The following MYO5B variants were observed in gnomAD, a reference collection of about 807,000 sequenced individuals.
The protein encoded by MYO5B is unconventional myosin-Vb.
A neutral mutation model predicts 229.3 loss-of-function variants in MYO5B; 143 were observed. That is an observed-to-expected ratio of 0.62 (90% confidence interval 0.54 to 0.72). The LOEUF (loss-of-function observed/expected upper bound fraction) is 0.72. MYO5B is among the 30% of genes least tolerant of loss of function. The pLI, the probability that MYO5B is intolerant of heterozygous loss-of-function variation, is 0.00. For missense variants in MYO5B, 2,321 were observed against 2,331.0 expected (o/e 1.00, Z 0.09); for synonymous variants, 918 against 885.2 (o/e 1.04, Z -0.66).
intron 33 of MYO5B, among the ~76,000 whole-genome samples, chr18:49,846,607 CAGA>C (rs1434464097): frequency 2.0e-5 from 3 of 152,202 alleles, no homozygotes; most frequent in African/African-American, 4.8e-5. Context: ...CCTAACCAAA[CAGA>C]AGGAGTCTGA....
At chr18:49,942,670 A>G (rs2025330285) in intron 14 of MYO5B, among the ~76,000 whole-genome samples, 1 of 151,784 alleles carries the variant, frequency 6.6e-6, no homozygotes, top group African/African-American at 2.4e-5. Context: ...ATGAGATACC[A>G]TCTCACACCA....
intron 2 of MYO5B, among the ~76,000 whole-genome samples, chr18:50,050,752 C>A (rs1489041058): frequency 6.6e-6 from 1 of 152,170 alleles, no homozygotes; most frequent in East Asian, 1.9e-4. Flanking sequence ...GGTTGTAACA[C>A]TGCCAGCACT....
chr18:50,001,095 T>C (rs188967579), intron 5 of MYO5B, among the ~76,000 whole-genome samples, 160 bp downstream of exon 5: 65 of 152,270 alleles, frequency 4.3e-4, no homozygotes, highest in Middle Eastern at 3.4e-3. Context: ...CAGGTCAACA[T>C]CCATGGTTTT....
intron 17 of MYO5B, among the ~76,000 whole-genome samples, chr18:49,917,030 A>G (rs1246026057): frequency 6.6e-6 from 1 of 152,170 alleles, no homozygotes; most frequent in Non-Finnish European, 1.5e-5. Flanking sequence ...CCACTCATGA[A>G]GACCACAGGC....
At position 49,836,904 on chromosome 18, in the gene MYO5B, G is replaced by A. The variant is rs377663050; in HGVS notation, c.5139-19C>T. ...ATTGTACCTTAGCCATAGGTAGAAA[G>A]CAAGCTATGTTAAGCCGGTCCTCCT... On this transcript the variant is annotated intron_variant, in intron 37 of 39. Transcript: ENST00000285039. 115 of 1,613,042 alleles carry A rather than the reference G, an allele frequency of 7.1e-5. No homozygotes were observed. In the African/African-American group the frequency reaches 1.2e-3, roughly 17 times the overall value.
intron 5 of MYO5B, among the ~76,000 whole-genome samples, chr18:49,993,222 C>A (rs990776299): frequency 4.0e-5 from 6 of 151,858 alleles, no homozygotes; most frequent in African/African-American, 1.5e-4. Context: ...GTGGATAAAA[C>A]ACTTGAAAAA....
In MYO5B at chr18:50,033,698, T is replaced by G. The variant is rs572417690; in HGVS notation, c.455+3152A>C. 3.9e-5 allele frequency among the ~76,000 whole-genome samples: 6 copies of G among 152,296 alleles called. No individual in the cohort carries two copies. The East Asian group carries it at 9.6e-4, about 24-fold the overall frequency. On this transcript the variant is annotated intron_variant, in intron 4 of 39. Coordinates refer to ENST00000285039, the MANE Select transcript of MYO5B (RefSeq NM_001080467.3). ...CAGCTAAGAAGTGGAGGTAAGCCCC[T>G]TCCTCACAGGATTCTCATGCAGTGG...
chr18:49,860,531 C>G (rs191529130), intron 29 of MYO5B, among the ~76,000 whole-genome samples: 4 of 152,118 alleles, frequency 2.6e-5, no homozygotes, highest in Non-Finnish European at 5.9e-5. Flanking sequence ...AGCAGCTCCT[C>G]AATAATAGCT....
chr18:50,149,881 C>T (rs973637182), intron 1 of MYO5B, among the ~76,000 whole-genome samples: 3 of 148,752 alleles, frequency 2.0e-5, no homozygotes, highest in Non-Finnish European at 3.0e-5. Context: ...AAACTACCAT[C>T]AGAGTGAACA....
chr18:50,053,032 A>C (rs1216732778), intron 2 of MYO5B, among the ~76,000 whole-genome samples: 1 of 152,200 alleles, frequency 6.6e-6, no homozygotes. Flanking sequence ...TTTTCCAGCC[A>C]GCATAGTACA....
At chr18:49,887,139 A>T (rs970481426) in intron 22 of MYO5B, among the ~76,000 whole-genome samples, 1 of 152,068 alleles carries the variant, frequency 6.6e-6, no homozygotes, top group African/African-American at 2.4e-5. Context: ...TGTTAACCAC[A>T]GCACTCTCAG....
chr18:50,181,223 G>A (rs1231749989), intron 1 of MYO5B, among the ~76,000 whole-genome samples: 1 of 152,174 alleles, frequency 6.6e-6, no homozygotes, highest in Non-Finnish European at 1.5e-5. Flanking sequence ...TATAATTTAA[G>A]TGGAACTATA....
intron 12 of MYO5B, among the ~76,000 whole-genome samples, chr18:49,961,768 T>C (rs561732747): frequency 6.6e-6 from 1 of 152,294 alleles, no homozygotes; most frequent in East Asian, 1.9e-4. Context: ...CCAGGCACTC[T>C]CCAGGCTGAC....
intron 1 of MYO5B, among the ~76,000 whole-genome samples, chr18:50,066,049 C>T (rs994130432): frequency 2.0e-5 from 3 of 151,900 alleles, no homozygotes; most frequent in Admixed American, 6.6e-5. Context: ...TTGGGGGTCA[C>T]ATTACAGATT....
chr18:50,182,704 A>G (rs2033089824), intron 1 of MYO5B, among the ~76,000 whole-genome samples: 1 of 152,240 alleles, frequency 6.6e-6, no homozygotes, highest in Non-Finnish European at 1.5e-5. Flanking sequence ...CAGAGGAAAC[A>G]GATGGGCTTT....
chr18:50,006,742 GGA>G (rs1306637495), intron 4 of MYO5B, among the ~76,000 whole-genome samples: 1 of 152,104 alleles, frequency 6.6e-6, no homozygotes, highest in Non-Finnish European at 1.5e-5. Context: ...GGTGCCACCG[GGA>G]GAGAGAGTGA....
At chr18:50,001,155 G>A (rs1452511962) in intron 5 of MYO5B, 100 bp downstream of exon 5, 1 of 1,449,544 alleles carries the variant, frequency 6.9e-7, no homozygotes, top group African/African-American at 1.4e-5. Context: ...GGCTCTCAGG[G>A]AGAGGCGTGA....
At chr18:49,892,482 A>G (rs1421163780) in intron 22 of MYO5B, among the ~76,000 whole-genome samples, 1 of 152,182 alleles carries the variant, frequency 6.6e-6, no homozygotes, top group Non-Finnish European at 1.5e-5. Flanking sequence ...GCCTTTGCTG[A>G]TGGAAATATC....
chr18:50,154,470 T>C (rs2032649627), intron 1 of MYO5B, among the ~76,000 whole-genome samples: 1 of 152,138 alleles, frequency 6.6e-6, no homozygotes, highest in East Asian at 1.9e-4. Flanking sequence ...ACCTGCATAT[T>C]GGGGAAGGGA....
Sources: allele counts gnomAD v4.1 joint callset (sites outside exome capture counted in the v4.1 genomes callset), GRCh38; gene constraint gnomAD v4.1.1; transcripts MANE v1.5; gene names NCBI Gene and HGNC (gene_info 2026-07-23, HGNC 2026-07-21).